Variants in GPM6B observed in about 807,000 individuals in gnomAD.
The protein encoded by GPM6B is neuronal membrane glycoprotein M6-b.
Under a neutral mutation model 27.2 loss-of-function variants are expected in GPM6B, and 4 were observed. The ratio of observed to expected loss-of-function variants is 0.15; its 90% CI spans 0.07 to 0.34. GPM6B has a LOEUF of 0.34. Ranked by LOEUF, GPM6B falls within the 10% of genes least tolerant of loss-of-function variation. The probability of loss-of-function intolerance (pLI) is 1.00; values close to 1 mark genes in which losing one functional copy is unlikely to be tolerated. For missense variants in GPM6B, 183 were observed against 261.9 expected (o/e 0.70, Z 2.08); for synonymous variants, 124 against 103.1 (o/e 1.20, Z -1.23).
chrX:13,833,526 G>A (rs930371264), intron 1 of GPM6B, among the ~76,000 whole-genome samples: 1 of 92,244 alleles, frequency 1.1e-5, no homozygotes, highest in African/African-American at 4.3e-5. Flanking sequence ...CCCAGCCTGG[G>A]CAACAGAGCA....
chrX:13,788,403 G>A (rs139803099), intron 2 of GPM6B, among the ~76,000 whole-genome samples: 1 of 108,860 alleles, frequency 9.2e-6, no homozygotes, highest in East Asian at 2.9e-4. Context: ...AGAGAAGGGG[G>A]ACAGGGAAGA....
At chrX:13,846,577 G>A (rs940976943) in intron 1 of GPM6B, among the ~76,000 whole-genome samples, 6 of 109,574 alleles carry the variant, frequency 5.5e-5, no homozygotes, top group Non-Finnish European at 7.6e-5. Flanking sequence ...TGCAAGCTCC[G>A]CCCTCTGGGT....
chrX:13,799,190 ATTTTTTTTTTTTTTTTTTTTTTTT>A (rs763194245), intron 2 of GPM6B, among the ~76,000 whole-genome samples: 6 of 35,969 alleles, frequency 1.7e-4, no homozygotes, highest in East Asian at 1.0e-3. Flanking sequence ...AGCCAACCTA[ATTTTTTTTTTTTTTTTTTTTTTTT>A]TTTTTTTTTT....
intron 1 of GPM6B, chrX:13,812,881 G>A (rs767916290): frequency 2.8e-5 from 3 of 105,546 alleles, no homozygotes; most frequent in Admixed American, 2.0e-4. Context: ...CAAATGGCTC[G>A]TTGAGATCTT....
chrX:13,935,086 AATT>A (rs774350909), intron 1 of GPM6B, among the ~76,000 whole-genome samples: 34 of 112,117 alleles, frequency 3.0e-4, no homozygotes, highest in Non-Finnish European at 6.2e-4. Context: ...TATTTAGTGA[AATT>A]ATTGACATTT....
rs5901522 is a variant in GPM6B at position 13,886,719 on chromosome X, T to TAAAAAAAAAAAA, written c.-198+51596_-198+51607dup. On this transcript the variant is annotated intron_variant, in intron 1 of 6. Coordinates refer to the GPM6B transcript ENST00000398361. ...ACCTCTCTCTACCTTAAGTCACTAC[T>TAAAAAAAAAAAA]AAAAAAAAAAAAAAAAAAAAAAATC... Among the ~76,000 whole-genome samples the TAAAAAAAAAAAA allele has an allele frequency of 3.4e-3, 121 of 35,095 alleles. 26 individuals are homozygous for TAAAAAAAAAAAA. The highest frequency in any genetic ancestry group is 0.021 in the African/African-American group (107 of 5,143). The allele number at this position is 35,095 out of a possible 115,157, so 30.5% of individuals were successfully genotyped here.
chrX:13,917,049 A>G (rs1210596685), intron 1 of GPM6B, among the ~76,000 whole-genome samples: 1 of 110,292 alleles, frequency 9.1e-6, no homozygotes, highest in Non-Finnish European at 1.9e-5. Context: ...CCATCTCTAC[A>G]AAAAACACAA....
At chrX:13,860,898 C>T (rs1283649402) in intron 1 of GPM6B, among the ~76,000 whole-genome samples, 2 of 109,086 alleles carry the variant, frequency 1.8e-5, no homozygotes, top group East Asian at 5.7e-4. Flanking sequence ...TTTTCCATTC[C>T]TGAGTTACTT....
At chrX:13,880,672 T>C (rs1167488407) in intron 1 of GPM6B, among the ~76,000 whole-genome samples, 3 of 33,439 alleles carry the variant, frequency 9.0e-5, no homozygotes, top group East Asian at 0.029. Context: ...CAAGGCTCCA[T>C]CTCAAAAAAA....
intron 1 of GPM6B, among the ~76,000 whole-genome samples, chrX:13,848,287 C>T (rs181459573): frequency 2.2e-4 from 25 of 111,657 alleles, no homozygotes; most frequent in African/African-American, 7.8e-4. Flanking sequence ...TGCTGCAGCC[C>T]AACTTCTCCC....
At chrX:13,850,228 T>C (rs2049699391) in intron 1 of GPM6B, among the ~76,000 whole-genome samples, 1 of 110,930 alleles carries the variant, frequency 9.0e-6, no homozygotes, top group African/African-American at 3.3e-5. Context: ...TGGAAGGGAG[T>C]GAGTGGGTTC....
At chrX:13,864,367 C>G (rs967774978) in intron 1 of GPM6B, among the ~76,000 whole-genome samples, 1 of 112,854 alleles carries the variant, frequency 8.9e-6, no homozygotes, top group Non-Finnish European at 1.9e-5. Flanking sequence ...GGATGCTGCA[C>G]TAGACCCAGT....
intron 1 of GPM6B, among the ~76,000 whole-genome samples, chrX:13,850,446 T>C (rs939560202): frequency 8.0e-5 from 9 of 112,741 alleles, no homozygotes; most frequent in Non-Finnish European, 9.4e-5. Context: ...ATAAACCTCT[T>C]TTCTTATAAA....
At chrX:13,835,571 C>G (rs1238587994) in intron 1 of GPM6B, among the ~76,000 whole-genome samples, 1 of 112,029 alleles carries the variant, frequency 8.9e-6, no homozygotes, top group Non-Finnish European at 1.9e-5. Flanking sequence ...CACCTGTACA[C>G]TGTAATATTT....
At position 13,783,382 on chromosome X, in the gene GPM6B, G is replaced by A. The variant is rs766581022; in HGVS notation, c.508C>T (p.Arg170Ter). The A allele has an allele frequency of 8.4e-7, 1 of 1,190,913 alleles. No individual in the cohort carries two copies. Among genetic ancestry groups the A allele is most frequent in the South Asian group, 1.9e-5 (1 of 53,439 alleles). The change falls in exon 4 of 8, where the codon CGA becomes TGA. Residue 170 changes from arginine (R) to a stop codon, truncating the protein, a stop_gained. Coordinates refer to ENST00000316715, the MANE Select transcript of GPM6B (RefSeq NM_001001995.3). LOFTEE classifies it high-confidence loss of function. ...CAACTCACCATTCCACTGATGCATCGGCCACAAGCGGTTGTTTTAAACTCA... is the reference window on the plus strand; with the variant it reads ...CAACTCACCATTCCACTGATGCATCAGCCACAAGCGGTTGTTTTAAACTCA... ...HGEFKTTACG[R>*]CISGMFVFLT...
chrX:13,932,183 A>G lies in GPM6B; in HGVS notation c.-198+6144T>C, dbSNP rs569598724. Reference sequence around the variant, plus strand: ...GCCTCAGCTCTCCCCACTCCCCCACATTGAGGCCATTCCCAACTCAACATA... The same window carrying G: ...GCCTCAGCTCTCCCCACTCCCCCACGTTGAGGCCATTCCCAACTCAACATA... On this transcript the variant is annotated intron_variant, in intron 1 of 6. Transcript: ENST00000398361. Among the ~76,000 whole-genome samples, 16 of 110,910 alleles carry G rather than the reference A, an allele frequency of 1.4e-4. No individual in the cohort carries two copies. In the South Asian group the frequency reaches 5.1e-3, roughly 35 times the overall value.
chrX:13,774,797 C>T, intron 7 of GPM6B, among the ~76,000 whole-genome samples: 1 of 111,921 alleles, frequency 8.9e-6, no homozygotes, highest in East Asian at 2.8e-4. Flanking sequence ...TTTTTCTCAT[C>T]ACACATGTAC....
chrX:13,938,399 G>A, exon 1 of GPM6B: 1 of 325,538 alleles, frequency 3.1e-6, no homozygotes, highest in Non-Finnish European at 5.0e-6. Flanking sequence ...AGGTGGCCGA[G>A]GAGGCGCCAC....
chrX:13,791,339 A>G (rs1323346844), intron 2 of GPM6B, among the ~76,000 whole-genome samples: 1 of 110,633 alleles, frequency 9.0e-6, no homozygotes, highest in African/African-American at 3.3e-5. Context: ...CCTCCCTAGT[A>G]GCTGGCATTA....
Sources: allele counts gnomAD v4.1 joint callset (sites outside exome capture counted in the v4.1 genomes callset), GRCh38; gene constraint gnomAD v4.1.1; transcripts MANE v1.5; gene names NCBI Gene and HGNC (gene_info 2026-07-23, HGNC 2026-07-21).